The following DCC variants were observed in gnomAD, a reference collection of about 807,000 sequenced individuals.
The protein encoded by DCC is DCC netrin 1 receptor.
In DCC, 58 loss-of-function variants were observed where a neutral mutation model predicts 172.5. The observed-to-expected ratio is 0.34, with a 90% CI of 0.27 to 0.42. The LOEUF is 0.42. DCC is among the 10% of genes least tolerant of loss of function. The probability of loss-of-function intolerance (pLI) is 1.00; values close to 1 mark genes in which losing one functional copy is unlikely to be tolerated. For synonymous variants in DCC, 709 were observed against 644.5 expected (o/e 1.10, Z -1.52); for missense variants, 1,740 against 1,791.0 (o/e 0.97, Z 0.51).
chr18:52,820,131 C>T (rs1293385531), intron 2 of DCC, among the ~76,000 whole-genome samples: 1 of 152,098 alleles, frequency 6.6e-6, no homozygotes, highest in Non-Finnish European at 1.5e-5. Context: ...CATTCCATTG[C>T]TAAAGTAGAC....
chr18:53,088,785 C>A lies in DCC; in HGVS notation c.1261+22619C>A, dbSNP rs1056981690. 1.3e-5 allele frequency among the ~76,000 whole-genome samples: 2 copies of A among 152,080 alleles called. 1 individual carries two copies. ...TCCATAATGATGCCCTTTTTATTCC[C>A]AGCAATGATTTTCTATTATTTTGTG... On this transcript the variant is annotated intron_variant, in intron 7 of 28. Transcript: ENST00000442544.
At chr18:53,265,254 G>C (rs527688582) in intron 12 of DCC, among the ~76,000 whole-genome samples, 4 of 152,130 alleles carry the variant, frequency 2.6e-5, no homozygotes, top group African/African-American at 9.7e-5. Flanking sequence ...ACAGCACTAA[G>C]CTTTCTTAGC....
At chr18:52,709,653 C>T (rs1175429278) in intron 1 of DCC, among the ~76,000 whole-genome samples, 3 of 152,154 alleles carry the variant, frequency 2.0e-5, no homozygotes, top group South Asian at 2.1e-4. Flanking sequence ...TTTGAAATCT[C>T]CTATCAGTTC....
intron 1 of DCC, among the ~76,000 whole-genome samples, chr18:52,751,707 T>A (rs544443532): frequency 6.6e-6 from 1 of 152,320 alleles, no homozygotes; most frequent in African/African-American, 2.4e-5. Context: ...CTAATAACTA[T>A]TGCTACTTTA....
At chr18:52,799,702 T>G (rs546598330) in intron 2 of DCC, among the ~76,000 whole-genome samples, 1 of 151,968 alleles carries the variant, frequency 6.6e-6, no homozygotes, top group African/African-American at 2.4e-5. Context: ...GCTAGGTTGG[T>G]TACTACAAAA....
intron 5 of DCC, among the ~76,000 whole-genome samples, chr18:52,976,245 TA>T (rs1396804025): frequency 1.3e-5 from 2 of 152,186 alleles, no homozygotes; most frequent in Non-Finnish European, 2.9e-5. Context: ...TGCTGGATAT[TA>T]GACCTCTGTC....
At chr18:52,885,296 AG>A (rs1411828182) in intron 2 of DCC, among the ~76,000 whole-genome samples, 1 of 152,126 alleles carries the variant, frequency 6.6e-6, no homozygotes, top group Non-Finnish European at 1.5e-5. Flanking sequence ...TCTAGGAACC[AG>A]GGGTTGAAGT....
At chr18:53,033,883 T>C (rs2042058425) in intron 5 of DCC, among the ~76,000 whole-genome samples, 2 of 152,132 alleles carry the variant, frequency 1.3e-5, no homozygotes, top group Non-Finnish European at 2.9e-5. Context: ...ATGACCTGTA[T>C]GGTTATTTCT....
intron 2 of DCC, among the ~76,000 whole-genome samples, chr18:52,788,605 T>G (rs2037703178): frequency 6.6e-6 from 1 of 152,242 alleles, no homozygotes; most frequent in Non-Finnish European, 1.5e-5. Context: ...TATTTTTCTT[T>G]AATCAATTAG....
chr18:52,709,742 G>A (rs2036264822), intron 1 of DCC, among the ~76,000 whole-genome samples: 2 of 152,160 alleles, frequency 1.3e-5, no homozygotes, highest in South Asian at 2.1e-4. Context: ...ACTATAAAAT[G>A]AATTTAAAAA....
At chr18:52,469,771 G>T (rs1315185025) in intron 1 of DCC, among the ~76,000 whole-genome samples, 1 of 152,136 alleles carries the variant, frequency 6.6e-6, no homozygotes, top group African/African-American at 2.4e-5. Context: ...TCCATATAGT[G>T]ATTTAGAGAT....
At chr18:52,923,684 G>T (rs766477435) in intron 3 of DCC, 23 bp from the exon 4 acceptor site, 2 of 1,560,588 alleles carry the variant, frequency 1.3e-6, no homozygotes, top group East Asian at 2.2e-5. Context: ...TATATCATAT[G>T]ATACTGTGTT....
At chr18:52,478,352 A>G (rs2144576543) in intron 1 of DCC, among the ~76,000 whole-genome samples, 1 of 152,302 alleles carries the variant, frequency 6.6e-6, no homozygotes, top group South Asian at 2.1e-4. Context: ...AATCTGATAA[A>G]TGAATCCCTG....
chr18:53,002,351 A>T lies in DCC; in HGVS notation c.986-60954A>T, dbSNP rs538435918. On this transcript the variant is annotated intron_variant, in intron 5 of 28. Transcript: ENST00000442544. ...TTTTAATACATACAATACAGAAATT[A>T]TAAATGCCCCTGACAATACAGAAAT... 2.6e-3 allele frequency among the ~76,000 whole-genome samples: 403 copies of T among 152,324 alleles called. 1 individual carries two copies. The highest frequency in any genetic ancestry group is 6.8e-3 in the Middle Eastern group (2 of 294).
chr18:53,019,308 A>G (rs886417059), intron 5 of DCC, among the ~76,000 whole-genome samples: 1 of 152,162 alleles, frequency 6.6e-6, no homozygotes, highest in African/African-American at 2.4e-5. Context: ...TTAAAAAGTC[A>G]ACACCTTTTA....
intron 1 of DCC, among the ~76,000 whole-genome samples, chr18:52,748,337 C>T (rs1165557244): frequency 2.0e-5 from 3 of 152,236 alleles, no homozygotes; most frequent in Non-Finnish European, 4.4e-5. Context: ...AAGGGTGTTA[C>T]AGCATGTCAC....
At chr18:53,102,251 T>C (rs2043183915) in intron 7 of DCC, among the ~76,000 whole-genome samples, 1 of 152,186 alleles carries the variant, frequency 6.6e-6, no homozygotes, top group African/African-American at 2.4e-5. Context: ...TACTATTTCG[T>C]GACTACTTGC....
intron 5 of DCC, among the ~76,000 whole-genome samples, chr18:52,983,962 G>A (rs2041252083): frequency 6.6e-6 from 1 of 151,944 alleles, no homozygotes; most frequent in South Asian, 2.1e-4. Flanking sequence ...AAGCAAAGAC[G>A]ATTTTTCCAG....
chr18:53,307,154 G>A (rs950924525), intron 13 of DCC, among the ~76,000 whole-genome samples: 2 of 151,970 alleles, frequency 1.3e-5, no homozygotes, highest in African/African-American at 2.4e-5. Context: ...TTAGCATAAT[G>A]GCCAGAGCAC....
Sources: gnomAD v4.1 joint callset for allele counts (sites outside exome capture counted in the v4.1 genomes callset) on GRCh38, gnomAD v4.1.1 for gene constraint, MANE v1.5 for transcripts, NCBI Gene and HGNC (gene_info 2026-07-23, HGNC 2026-07-21) for gene names.